Variants in EPB41L5 observed in about 807,000 individuals in gnomAD.
EPB41L5 encodes erythrocyte membrane protein band 4.1 like 5.
A neutral mutation model predicts 106.6 loss-of-function variants in EPB41L5; 55 were observed. The ratio of observed to expected loss-of-function variants is 0.52; its 90% CI spans 0.42 to 0.65. EPB41L5 has a LOEUF of 0.65. EPB41L5 is among the 30% of genes least tolerant of loss of function. The pLI, the probability that EPB41L5 is intolerant of heterozygous loss-of-function variation, is 0.00. For synonymous variants in EPB41L5, 297 were observed against 306.7 expected, an observed-to-expected ratio of 0.97 and a Z score of 0.33; for missense variants, 871 against 882.1, an observed-to-expected ratio of 0.99 and a Z score of 0.16.
At chr2:120,100,322 C>G (rs764878368) in intron 15 of EPB41L5, 36 bp downstream of exon 15, 1 of 1,591,258 alleles carries the variant, frequency 6.3e-7, no homozygotes, top group South Asian at 1.1e-5. Flanking sequence ...CACTGGATCA[C>G]CCGTTAATTA....
intron 16 of EPB41L5, among the ~76,000 whole-genome samples, chr2:120,102,889 T>C (rs549273431): frequency 1.3e-5 from 2 of 152,296 alleles, no homozygotes; most frequent in South Asian, 2.1e-4. Context: ...CTGAATAGTG[T>C]TTAGAAAACC....
chr2:120,136,777 T>G (rs1361202334), intron 18 of EPB41L5, among the ~76,000 whole-genome samples: 1 of 151,986 alleles, frequency 6.6e-6, no homozygotes, highest in Non-Finnish European at 1.5e-5. Context: ...TACAGAGAGA[T>G]ACACCTCGGT....
At chr2:120,025,640 C>T (rs543302173) in intron 2 of EPB41L5, among the ~76,000 whole-genome samples, 1 of 152,252 alleles carries the variant, frequency 6.6e-6, no homozygotes, top group Admixed American at 6.5e-5. Context: ...TATAGTTATA[C>T]TTTTAAATAC....
chr2:120,166,744 T>C (rs1311281469), intron 22 of EPB41L5, among the ~76,000 whole-genome samples: 1 of 152,208 alleles, frequency 6.6e-6, no homozygotes, highest in Non-Finnish European at 1.5e-5. Flanking sequence ...CCTGTGTTTT[T>C]ATTCTTTTGG....
chr2:120,056,331 G>A (rs556587585), intron 3 of EPB41L5, among the ~76,000 whole-genome samples: 6 of 148,898 alleles, frequency 4.0e-5, no homozygotes, highest in Non-Finnish European at 7.4e-5. Flanking sequence ...ATGGAGTCTC[G>A]CTTTGTTGCC....
At chr2:120,088,238 A>G (rs1683194987) in intron 11 of EPB41L5, among the ~76,000 whole-genome samples, 1 of 152,168 alleles carries the variant, frequency 6.6e-6, no homozygotes. Context: ...TAAACACACA[A>G]TGGGATACTA....
At chr2:120,066,618 T>A (rs1443589942) in intron 3 of EPB41L5, among the ~76,000 whole-genome samples, 1 of 152,212 alleles carries the variant, frequency 6.6e-6, no homozygotes, top group African/African-American at 2.4e-5. Flanking sequence ...AATTGCTGGG[T>A]TGAAGGCACA....
chr2:120,080,301 C>T (rs1682556842), intron 10 of EPB41L5, among the ~76,000 whole-genome samples: 1 of 151,792 alleles, frequency 6.6e-6, no homozygotes, highest in African/African-American at 2.4e-5. Context: ...TGTTCCCCTT[C>T]CTGTGTCCAA....
At position 120,175,307 on chromosome 2, in the gene EPB41L5, A is replaced by T. The variant is rs564376100; in HGVS notation, c.*400A>T. Reference sequence around the variant, plus strand: ...TATTTCCATCTAGTATCAGGGTGAGAGCATCCTTGATCTGGCTGCCTGTTA... The same window carrying T: ...TATTTCCATCTAGTATCAGGGTGAGTGCATCCTTGATCTGGCTGCCTGTTA... On this transcript the variant is annotated 3_prime_UTR_variant, in exon 25 of 25. Transcript: ENST00000263713. The T allele has an allele frequency of 5.6e-6, 1 of 177,662 alleles. No individual in the cohort carries two copies. The highest frequency in any genetic ancestry group is 1.3e-4 in the South Asian group (1 of 7,902). 11.0% of individuals were successfully genotyped at this position (177,662 alleles called of 1,614,324 possible).
intron 16 of EPB41L5, among the ~76,000 whole-genome samples, chr2:120,111,773 A>T (rs187119789): frequency 2.2e-4 from 34 of 152,082 alleles, no homozygotes; most frequent in African/African-American, 7.7e-4. Context: ...ACAGCAGATC[A>T]TGTCATTTCT....
intron 16 of EPB41L5, among the ~76,000 whole-genome samples, chr2:120,123,165 G>A (rs984204385): frequency 1.3e-5 from 2 of 149,996 alleles, no homozygotes; most frequent in African/African-American, 4.9e-5. Context: ...TTTTTCACTT[G>A]AAACTTTAAA....
chr2:120,105,913 T>C, intron 16 of EPB41L5: 1 of 985,236 alleles, frequency 1.0e-6, no homozygotes, highest in Non-Finnish European at 1.2e-6. Context: ...ATGTATATCA[T>C]TAAAAAAAGT....
intron 18 of EPB41L5, among the ~76,000 whole-genome samples, chr2:120,140,350 C>T (rs1234031014): frequency 2.0e-5 from 3 of 151,836 alleles, no homozygotes; most frequent in Non-Finnish European, 4.4e-5. Context: ...GATGGATACT[C>T]CATTTACCCT....
intron 3 of EPB41L5, among the ~76,000 whole-genome samples, chr2:120,046,504 GTT>G (rs1294255099): frequency 7.0e-6 from 1 of 142,922 alleles, no homozygotes; most frequent in Non-Finnish European, 1.5e-5. Context: ...TGATGGGGTT[GTT>G]TTTTTTTTTT....
At chr2:120,076,649 A>G (rs1180400632) in intron 7 of EPB41L5, among the ~76,000 whole-genome samples, 1 of 151,944 alleles carries the variant, frequency 6.6e-6, no homozygotes, top group African/African-American at 2.4e-5. Flanking sequence ...AACGATTGCT[A>G]AATTTTTTCA....
chr2:120,122,958 CTCTG>C (rs1685293300), intron 16 of EPB41L5, among the ~76,000 whole-genome samples: 1 of 152,230 alleles, frequency 6.6e-6, no homozygotes, highest in African/African-American at 2.4e-5. Flanking sequence ...TGATTTGGCT[CTCTG>C]TCTGTTATTG....
Position 120,173,511 on chromosome 2 carries a change from G to A in EPB41L5, c.2136-1330G>A, listed in dbSNP as rs576557164. On this transcript the variant is annotated intron_variant, in intron 24 of 24. Coordinates refer to ENST00000263713, the MANE Select transcript of EPB41L5 (RefSeq NM_020909.4). ...CTAGAGACCCCACTTTGAGAACCAG[G>A]GACACAGAAAAGTGAAGGAAAATAC... 2.1e-4 allele frequency among the ~76,000 whole-genome samples: 32 copies of A among 152,206 alleles called. 1 individual carries two copies. The South Asian group carries it at 5.8e-3, about 28-fold the overall frequency.
At chr2:120,094,436 CTCCT>C (rs1401623314) in intron 14 of EPB41L5, among the ~76,000 whole-genome samples, 1 of 148,630 alleles carries the variant, frequency 6.7e-6, no homozygotes, top group Non-Finnish European at 1.5e-5. Flanking sequence ...GTAATATCTC[CTCCT>C]TCCTTTCTGA....
chr2:120,154,502 T>C (rs1055317402), intron 20 of EPB41L5, among the ~76,000 whole-genome samples: 2 of 152,126 alleles, frequency 1.3e-5, no homozygotes, highest in African/African-American at 4.8e-5. Flanking sequence ...TTAGTGGTTA[T>C]TTTGGAATCA....
Sources: allele counts gnomAD v4.1 joint callset (sites outside exome capture counted in the v4.1 genomes callset), GRCh38; gene constraint gnomAD v4.1.1; transcripts MANE v1.5; gene names NCBI Gene and HGNC (gene_info 2026-07-23, HGNC 2026-07-21).